The following RBFOX1 variants were observed in gnomAD, a reference collection of about 807,000 sequenced individuals.
RBFOX1 encodes the protein RNA binding protein fox-1 homolog 1.
A neutral mutation model predicts 57.7 loss-of-function variants in RBFOX1; 8 were observed. The observed-to-expected ratio is 0.14, with a 90% confidence interval of 0.08 to 0.25. The LOEUF is 0.25. RBFOX1 is among the 10% of genes least tolerant of loss of function. RBFOX1 has a pLI of 1.00. For missense variants in RBFOX1, 611 were observed against 548.5 expected (o/e 1.11, Z -1.14); for synonymous variants, 326 against 222.4 (o/e 1.47, Z -4.15).
chr16:7,501,699 A>G (rs1401665770), intron 4 of RBFOX1, among the ~76,000 whole-genome samples: 1 of 152,218 alleles, frequency 6.6e-6, no homozygotes, highest in Non-Finnish European at 1.5e-5. Context: ...TTGTTTTGTC[A>G]GTCTGTATCC....
intron 4 of RBFOX1, among the ~76,000 whole-genome samples, chr16:7,374,780 C>T (rs1568485789): frequency 6.6e-6 from 1 of 152,190 alleles, no homozygotes. Context: ...TCAAGATATC[C>T]TGGCAACCTA....
intron 2 of RBFOX1, chr16:5,467,286 T>A: frequency 2.7e-6 from 4 of 1,462,616 alleles, no homozygotes; most frequent in Non-Finnish European, 3.7e-6. Context: ...ACTTAGGATG[T>A]CTGTGAAGTC....
intron 3 of RBFOX1, among the ~76,000 whole-genome samples, chr16:5,858,458 G>T (rs1807832918): frequency 1.3e-5 from 2 of 152,148 alleles, no homozygotes; most frequent in African/African-American, 4.8e-5. Context: ...CAAGGACAGA[G>T]ATTTGCCAGG....
At chr16:6,617,451 C>G (rs532655717) in intron 2 of RBFOX1, among the ~76,000 whole-genome samples, 2 of 151,932 alleles carry the variant, frequency 1.3e-5, no homozygotes, top group East Asian at 2.0e-4. Context: ...GTCTGACTCT[C>G]CAGTTCACTT....
At position 7,055,084 on chromosome 16, in the gene RBFOX1, C is replaced by G. The variant is rs374638378; in HGVS notation, c.27+2986C>G. Among the ~76,000 whole-genome samples, 60 of 152,046 alleles carry G rather than the reference C, an allele frequency of 3.9e-4. 1 individual carries two copies. In the South Asian group the frequency reaches 0.012, roughly 31 times the overall value. On this transcript the variant is annotated intron_variant, in intron 4 of 15. Coordinates refer to ENST00000550418, the MANE Select transcript of RBFOX1 (RefSeq NM_018723.4). ...TAATATCTTGAAGATATTAAGGAGT[C>G]TTTAAAATGATCATATGATTAATTT...
At chr16:5,567,909 G>C (rs1418720430) in intron 2 of RBFOX1, among the ~76,000 whole-genome samples, 1 of 152,216 alleles carries the variant, frequency 6.6e-6, no homozygotes, top group African/African-American at 2.4e-5. Context: ...CTGAGGCTTA[G>C]AGAAGGTAAG....
intron 4 of RBFOX1, among the ~76,000 whole-genome samples, chr16:5,927,549 A>G (rs544234205): frequency 6.6e-5 from 10 of 152,350 alleles, no homozygotes; most frequent in Admixed American, 2.0e-4. Flanking sequence ...GGTTCCCCCC[A>G]AAAGTAGAAG....
intron 4 of RBFOX1, among the ~76,000 whole-genome samples, chr16:7,083,048 G>C (rs1419478159): frequency 6.6e-6 from 1 of 152,098 alleles, no homozygotes; most frequent in Non-Finnish European, 1.5e-5. Flanking sequence ...TAAAATGGAA[G>C]GTTTTGGGAG....
At chr16:7,076,918 A>G (rs1214688522) in intron 4 of RBFOX1, among the ~76,000 whole-genome samples, 1 of 152,186 alleles carries the variant, frequency 6.6e-6, no homozygotes, top group Admixed American at 6.5e-5. Context: ...TTAGTTAAAC[A>G]CTTACTTTCT....
chr16:7,693,969 T>C (rs113214249), intron 14 of RBFOX1, among the ~76,000 whole-genome samples: 56 of 152,314 alleles, frequency 3.7e-4, no homozygotes, highest in African/African-American at 1.3e-3. Context: ...AACCAGGACA[T>C]TGGCAAATGG....
chr16:5,966,864 C>T (rs926647853), intron 4 of RBFOX1, among the ~76,000 whole-genome samples: 3 of 151,918 alleles, frequency 2.0e-5, no homozygotes, highest in Non-Finnish European at 2.9e-5. Flanking sequence ...CAATTCATGC[C>T]TCCACCAGTC....
At chr16:6,748,972 C>T (rs541674614) in intron 3 of RBFOX1, 2 of 152,142 alleles carry the variant, frequency 1.3e-5, no homozygotes, top group Non-Finnish European at 2.9e-5. Context: ...AAGTTCTCTC[C>T]TAATTGATAA....
chr16:7,323,143 G>A (rs919390536), intron 4 of RBFOX1, among the ~76,000 whole-genome samples: 1 of 152,234 alleles, frequency 6.6e-6, no homozygotes, highest in African/African-American at 2.4e-5. Context: ...TCCAAGCTAA[G>A]ACTGGGCACA....
chr16:7,258,660 G>A (rs554254305), intron 4 of RBFOX1, among the ~76,000 whole-genome samples: 12 of 152,226 alleles, frequency 7.9e-5, no homozygotes, highest in African/African-American at 2.6e-4. Context: ...TTACTAACAT[G>A]ATGGCTGAAT....
intron 3 of RBFOX1, among the ~76,000 whole-genome samples, chr16:7,002,252 G>A (rs58263559): frequency 0.21 from 31,789 of 152,110 alleles, 3,707 homozygotes; most frequent in Middle Eastern, 0.33. Flanking sequence ...AGCGGTGCAT[G>A]AAGTTAATCT....
chr16:5,929,033 T>TAAAAAAAAAA (rs3041579), intron 4 of RBFOX1, among the ~76,000 whole-genome samples: 1 of 127,064 alleles, frequency 7.9e-6, no homozygotes. Flanking sequence ...CTTTCCAATT[T>TAAAAAAAAAA]AAAAAAAAAA....
At chr16:7,392,920 C>G (rs1396252010) in intron 4 of RBFOX1, among the ~76,000 whole-genome samples, 3 of 152,110 alleles carry the variant, frequency 2.0e-5, no homozygotes, top group Non-Finnish European at 4.4e-5. Flanking sequence ...GTCCCCCAAG[C>G]TGGAGTGCAG....
rs191280051 is a variant in RBFOX1 at position 6,681,053 on chromosome 16, A to C, written c.-16+26403A>C. 1.9e-4 allele frequency among the ~76,000 whole-genome samples: 29 copies of C among 152,296 alleles called. No individual in the cohort carries two copies. The East Asian group carries it at 4.4e-3, about 23-fold the overall frequency. On this transcript the variant is annotated intron_variant, in intron 3 of 15. Transcript: ENST00000550418. ...AGGCTGGGCATGATGGCTCACACCC[A>C]TAATGCCAGTCCTTTGCAAGGCTGA...
At chr16:5,245,141 C>T (rs1436401522) in intron 1 of RBFOX1, among the ~76,000 whole-genome samples, 1 of 152,146 alleles carries the variant, frequency 6.6e-6, no homozygotes, top group South Asian at 2.1e-4. Context: ...GACAGGGGTC[C>T]CTGCCAGGGA....
Sources: allele counts gnomAD v4.1 joint callset (sites outside exome capture counted in the v4.1 genomes callset), GRCh38; gene constraint gnomAD v4.1.1; transcripts MANE v1.5; gene names NCBI Gene and HGNC (gene_info 2026-07-23, HGNC 2026-07-21).